CDK14: variants seen among roughly 807,000 people sequenced by gnomAD.
CDK14 encodes cyclin-dependent kinase 14.
In CDK14, 34 loss-of-function variants were observed where a neutral mutation model predicts 60.7. The observed-to-expected ratio is 0.56, with a 90% CI of 0.43 to 0.75. The LOEUF (loss-of-function observed/expected upper bound fraction) is 0.75. CDK14 is among the 30% of genes least tolerant of loss of function. CDK14 has a pLI of 0.00. For synonymous variants in CDK14, 197 were observed against 203.7 expected (o/e 0.97, Z 0.28); for missense variants, 482 against 564.1 (o/e 0.85, Z 1.47).
intron 12 of CDK14, among the ~76,000 whole-genome samples, chr7:91,095,040 A>G (rs1056519752): frequency 2.6e-5 from 4 of 152,202 alleles, no homozygotes; most frequent in African/African-American, 7.2e-5. Flanking sequence ...GATGCTCTGG[A>G]TGTTTGGGAA....
rs141492696 is a variant in CDK14 at position 90,967,932 on chromosome 7, G to A, written c.947+12115G>A. ...TAGGAGCCTCTATAAATGTCATTGT[G>A]TGACAATAGTTACTAAAGATGCCTA... On this transcript the variant is annotated intron_variant, in intron 9 of 14. Coordinates refer to ENST00000380050, the MANE Select transcript of CDK14 (RefSeq NM_001287135.2). 4.6e-3 allele frequency among the ~76,000 whole-genome samples: 707 copies of A among 152,294 alleles called. 4 individuals are homozygous for A. Among genetic ancestry groups the A allele is most frequent in the African/African-American group, 0.016 (680 of 41,560 alleles).
At chr7:91,106,519 CAG>C (rs1260552752) in intron 12 of CDK14, among the ~76,000 whole-genome samples, 2 of 151,924 alleles carry the variant, frequency 1.3e-5, no homozygotes, top group African/African-American at 4.8e-5. Flanking sequence ...AAAATAATAA[CAG>C]TAACAGTAAT....
At chr7:91,060,245 T>G (rs1436010070) in intron 11 of CDK14, among the ~76,000 whole-genome samples, 2 of 151,336 alleles carry the variant, frequency 1.3e-5, no homozygotes, top group African/African-American at 4.9e-5. Context: ...TTTTTTTCCA[T>G]TTGCTTGGTA....
intron 10 of CDK14, among the ~76,000 whole-genome samples, chr7:91,038,649 A>G (rs980937514): frequency 1.6e-4 from 24 of 152,206 alleles, no homozygotes; most frequent in African/African-American, 5.5e-4. Flanking sequence ...ATACACGTGT[A>G]AAGGCCTTGT....
intron 2 of CDK14, among the ~76,000 whole-genome samples, chr7:90,617,687 T>G (rs1163609348): frequency 1.3e-5 from 2 of 152,202 alleles, no homozygotes; most frequent in African/African-American, 4.8e-5. Context: ...GTTTTAGATT[T>G]CAGTTTCAAG....
chr7:90,638,489 C>T (rs913712274), intron 2 of CDK14, among the ~76,000 whole-genome samples: 1 of 152,150 alleles, frequency 6.6e-6, no homozygotes, highest in African/African-American at 2.4e-5. Flanking sequence ...AGAGTTTCTG[C>T]CGAGAGATCC....
At chr7:90,756,383 A>G (rs1804058502) in intron 4 of CDK14, among the ~76,000 whole-genome samples, 1 of 152,204 alleles carries the variant, frequency 6.6e-6, no homozygotes, top group Non-Finnish European at 1.5e-5. Context: ...TTTTTCATTT[A>G]TTATGCCTGA....
At chr7:90,783,001 C>A (rs1212895225) in intron 4 of CDK14, among the ~76,000 whole-genome samples, 2 of 152,002 alleles carry the variant, frequency 1.3e-5, no homozygotes, top group Admixed American at 1.3e-4. Flanking sequence ...GATGATAAGA[C>A]CCTAAAATCC....
intron 10 of CDK14, among the ~76,000 whole-genome samples, chr7:90,995,921 A>G (rs537359448): frequency 6.6e-6 from 1 of 152,286 alleles, no homozygotes; most frequent in South Asian, 2.1e-4. Flanking sequence ...TAAGAACTCT[A>G]CTCTAAAAGA....
chr7:90,632,350 G>C, intron 2 of CDK14: 1 of 324,288 alleles, frequency 3.1e-6, no homozygotes. Context: ...GGGATTTATT[G>C]CCTGTTCAGT....
intron 2 of CDK14, among the ~76,000 whole-genome samples, chr7:90,619,227 A>G (rs536283087): frequency 6.6e-6 from 1 of 152,298 alleles, no homozygotes; most frequent in African/African-American, 2.4e-5. Context: ...AAGCTAAGGC[A>G]ATTTTTCCCT....
intron 3 of CDK14, among the ~76,000 whole-genome samples, chr7:90,727,391 G>GAAGAGAATGTCCAC (rs1802683266): frequency 6.6e-6 from 1 of 152,120 alleles, no homozygotes; most frequent in Admixed American, 6.6e-5. Flanking sequence ...AGAATGTCCA[G>GAAGAGAATGTCCAC]AAAGAAGTGT....
intron 4 of CDK14, among the ~76,000 whole-genome samples, chr7:90,781,642 C>T (rs1805325426): frequency 1.3e-5 from 2 of 151,224 alleles, no homozygotes. Context: ...TGTGGCTAGC[C>T]AGTTTTCCCA....
At chr7:91,079,330 C>T (rs909873200) in intron 11 of CDK14, 102 bp from the exon 12 acceptor site, 5 of 710,828 alleles carry the variant, frequency 7.0e-6, no homozygotes, top group Non-Finnish European at 1.2e-5. Flanking sequence ...GCCTAACTGA[C>T]TGAGTAGCCC....
intron 9 of CDK14, among the ~76,000 whole-genome samples, chr7:90,957,727 T>G (rs986451811): frequency 7.9e-5 from 12 of 151,986 alleles, no homozygotes; most frequent in Admixed American, 7.2e-4. Flanking sequence ...GGAAGAACAT[T>G]CCATGCTCAT....
At chr7:90,943,668 T>G (rs1328834267) in intron 8 of CDK14, among the ~76,000 whole-genome samples, 1 of 152,204 alleles carries the variant, frequency 6.6e-6, no homozygotes, top group Non-Finnish European at 1.5e-5. Flanking sequence ...TAAAGTATTT[T>G]ATGTCTGTTT....
At chr7:90,668,699 CTTTTTTTTTTTT>C (rs59773768) in intron 2 of CDK14, among the ~76,000 whole-genome samples, 8 of 87,530 alleles carry the variant, frequency 9.1e-5, no homozygotes, top group African/African-American at 1.3e-4. Context: ...GACTCGCATT[CTTTTTTTTTTTT>C]TTTTTTTTTT....
chr7:91,132,059 A>G (rs896446618), intron 14 of CDK14, among the ~76,000 whole-genome samples: 6 of 152,068 alleles, frequency 3.9e-5, no homozygotes, highest in African/African-American at 1.4e-4. Flanking sequence ...CTACTAGACA[A>G]TAGTAAGAAG....
intron 2 of CDK14, among the ~76,000 whole-genome samples, chr7:90,683,360 G>T (rs867760723): frequency 6.6e-6 from 1 of 152,124 alleles, no homozygotes; most frequent in African/African-American, 2.4e-5. Context: ...CTTCAAGTTG[G>T]CTCCTATGTC....
Sources: gnomAD v4.1 joint callset for allele counts (sites outside exome capture counted in the v4.1 genomes callset) on GRCh38, gnomAD v4.1.1 for gene constraint, MANE v1.5 for transcripts, NCBI Gene and HGNC (gene_info 2026-07-23, HGNC 2026-07-21) for gene names.